Variants in SNTG1 observed in about 807,000 individuals in gnomAD.
The protein encoded by SNTG1 is syntrophin gamma 1, also known as gamma-1-syntrophin.
In SNTG1, 39 loss-of-function variants were observed where a neutral mutation model predicts 74.7. The ratio of observed to expected loss-of-function variants is 0.52; its 90% CI spans 0.40 to 0.68. The LOEUF (loss-of-function observed/expected upper bound fraction) is 0.68, where lower values mean the gene tolerates loss of function less well. Among genes scored for constraint, SNTG1 ranks in the 30% least tolerant of loss-of-function variants. The probability of loss-of-function intolerance (pLI) is 0.00; values close to 1 mark genes in which losing one functional copy is unlikely to be tolerated. For missense variants in SNTG1, 685 were observed against 609.5 expected, an observed-to-expected ratio of 1.12 and a Z score of -1.30; for synonymous variants, 254 against 217.1, an observed-to-expected ratio of 1.17 and a Z score of -1.49.
At chr8:50,016,218 A>T in intron 1 of SNTG1, among the ~76,000 whole-genome samples, 1 of 152,220 alleles carries the variant, frequency 6.6e-6, no homozygotes. Context: ...GGTAGTCACC[A>T]GTTTTCATAT....
intron 9 of SNTG1, among the ~76,000 whole-genome samples, chr8:50,510,186 T>C (rs1428158170): frequency 6.6e-6 from 1 of 152,200 alleles, no homozygotes; most frequent in Non-Finnish European, 1.5e-5. Flanking sequence ...ATGGTTTTTG[T>C]TGTTGGTTCT....
chr8:50,180,871 C>T (rs11780070), intron 2 of SNTG1, among the ~76,000 whole-genome samples: 44,641 of 150,950 alleles, frequency 0.3, 6,648 homozygotes, highest in South Asian at 0.43. Flanking sequence ...AGCGACTCTC[C>T]GGCCTCAGCC....
At chr8:50,218,458 C>T (rs2084903141) in intron 2 of SNTG1, among the ~76,000 whole-genome samples, 1 of 151,938 alleles carries the variant, frequency 6.6e-6, no homozygotes. Context: ...TCATAAATGC[C>T]TGCATTATAT....
chr8:49,942,493 C>T (rs778016223), intron 1 of SNTG1, among the ~76,000 whole-genome samples: 5 of 151,866 alleles, frequency 3.3e-5, no homozygotes, highest in Non-Finnish European at 5.9e-5. Context: ...ACTACAGTTC[C>T]TACTTAATTT....
chr8:50,690,326 T>C (rs927048430), intron 15 of SNTG1, among the ~76,000 whole-genome samples: 2 of 152,186 alleles, frequency 1.3e-5, no homozygotes, highest in African/African-American at 4.8e-5. Context: ...TCTAGTTCTT[T>C]TAATTGTGAT....
chr8:50,519,602 A>C lies in SNTG1; in HGVS notation c.467-10575A>C, dbSNP rs2094162592. On this transcript the variant is annotated intron_variant, in intron 9 of 18. Transcript: ENST00000642720. ...CTTTAAGCTGATAAGCTACTTCGGC[A>C]GAGTTTCAGGATACAAAATCAATGG... Among the ~76,000 whole-genome samples the C allele has an allele frequency of 3.9e-5, 6 of 152,356 alleles. 1 individual carries two copies. In the South Asian group the frequency reaches 1.2e-3, roughly 32 times the overall value.
intron 8 of SNTG1, among the ~76,000 whole-genome samples, chr8:50,488,998 A>G (rs912582663): frequency 6.6e-6 from 1 of 151,490 alleles, no homozygotes; most frequent in African/African-American, 2.4e-5. Context: ...TCATTGTTCA[A>G]CTCTCATTTA....
At chr8:50,275,085 T>C (rs2088017603) in intron 2 of SNTG1, among the ~76,000 whole-genome samples, 1 of 152,132 alleles carries the variant, frequency 6.6e-6, no homozygotes, top group Non-Finnish European at 1.5e-5. Flanking sequence ...CCTTCTAGAG[T>C]GAATTAGACT....
intron 8 of SNTG1, among the ~76,000 whole-genome samples, chr8:50,494,154 CAT>C (rs1021034134): frequency 2.0e-3 from 298 of 151,192 alleles, no homozygotes; most frequent in African/African-American, 6.8e-3. Context: ...TATATATACA[CAT>C]ATATATATGT....
At chr8:50,146,247 G>A (rs1329068358) in intron 1 of SNTG1, among the ~76,000 whole-genome samples, 1 of 152,106 alleles carries the variant, frequency 6.6e-6, no homozygotes, top group Non-Finnish European at 1.5e-5. Flanking sequence ...GCCAGGTGTG[G>A]TGGCTCATGC....
intron 1 of SNTG1, among the ~76,000 whole-genome samples, chr8:50,013,587 A>G (rs977927398): frequency 1.3e-5 from 2 of 152,038 alleles, no homozygotes; most frequent in African/African-American, 4.8e-5. Context: ...CTGGAAAAGT[A>G]GGAAAAAGTA....
intron 1 of SNTG1, among the ~76,000 whole-genome samples, chr8:50,112,950 A>G (rs2080660002): frequency 6.6e-6 from 1 of 152,074 alleles, no homozygotes; most frequent in African/African-American, 2.4e-5. Context: ...CCATTGGTCT[A>G]TATCTCTGTT....
chr8:50,217,387 T>A (rs1420882347), intron 2 of SNTG1, among the ~76,000 whole-genome samples: 1 of 152,108 alleles, frequency 6.6e-6, no homozygotes, highest in Non-Finnish European at 1.5e-5. Context: ...ATATATTATA[T>A]GTCAGAATCA....
chr8:50,487,899 C>G (rs2093813120), intron 8 of SNTG1, among the ~76,000 whole-genome samples: 1 of 151,388 alleles, frequency 6.6e-6, no homozygotes, highest in South Asian at 2.1e-4. Context: ...AACTTTATTT[C>G]TTCATTGCTT....
At chr8:50,661,208 C>A (rs2095221458) in intron 15 of SNTG1, among the ~76,000 whole-genome samples, 1 of 151,916 alleles carries the variant, frequency 6.6e-6, no homozygotes, top group South Asian at 2.1e-4. Flanking sequence ...TTAAGTAAAT[C>A]AATAAAGAAG....
chr8:50,223,864 G>C (rs1039690498), intron 2 of SNTG1, among the ~76,000 whole-genome samples: 11 of 151,926 alleles, frequency 7.2e-5, no homozygotes, highest in Admixed American at 2.0e-4. Flanking sequence ...CACAAAAATA[G>C]TGATAACCCT....
At chr8:50,117,969 C>G (rs947805833) in intron 1 of SNTG1, among the ~76,000 whole-genome samples, 6 of 152,024 alleles carry the variant, frequency 3.9e-5, no homozygotes, top group Non-Finnish European at 7.4e-5. Flanking sequence ...GAAGTTGGCC[C>G]TGGGGAAGGG....
At chr8:50,781,576 T>G (rs1449880307) in intron 18 of SNTG1, among the ~76,000 whole-genome samples, 1 of 152,228 alleles carries the variant, frequency 6.6e-6, no homozygotes, top group Non-Finnish European at 1.5e-5. Context: ...CCTCCATCCT[T>G]TTATTTTGAA....
chr8:50,412,466 T>A (rs2092961639), intron 4 of SNTG1, among the ~76,000 whole-genome samples: 1 of 152,210 alleles, frequency 6.6e-6, no homozygotes, highest in African/African-American at 2.4e-5. Context: ...AATATAATAC[T>A]ATCTGTCTTA....
Sources: gnomAD v4.1 joint callset for allele counts (sites outside exome capture counted in the v4.1 genomes callset) on GRCh38, gnomAD v4.1.1 for gene constraint, MANE v1.5 for transcripts, NCBI Gene and HGNC (gene_info 2026-07-23, HGNC 2026-07-21) for gene names.